The following WDR37 variants were observed in gnomAD, a reference collection of about 807,000 sequenced individuals.
WDR37 encodes the protein WD repeat-containing protein 37.
A neutral mutation model predicts 62.9 loss-of-function variants in WDR37; 19 were observed. The ratio of observed to expected loss-of-function variants is 0.30; its 90% CI spans 0.21 to 0.44. The LOEUF (loss-of-function observed/expected upper bound fraction) is 0.44, where lower values mean the gene tolerates loss of function less well. WDR37 is among the 20% of genes least tolerant of loss of function. WDR37 has a pLI of 1.00. For synonymous variants in WDR37, 250 were observed against 260.9 expected (o/e 0.96, Z 0.40); for missense variants, 474 against 657.6 (o/e 0.72, Z 3.05).
At position 1,062,018 on chromosome 10, in the gene WDR37, G is replaced by T. The variant is rs547466783; in HGVS notation, c.-41+5050G>T. Among the ~76,000 whole-genome samples, 1,252 of 147,200 alleles carry T rather than the reference G, an allele frequency of 8.5e-3. 10 individuals are homozygous for T. The highest frequency in any genetic ancestry group is 0.021 in the African/African-American group (830 of 40,032). ...TCTGGTCTTGAGCTTTTTTTTTTTTGGGGGGGCCAAGGACTGAGTTTCCAT... is the reference window on the plus strand; with the variant it reads ...TCTGGTCTTGAGCTTTTTTTTTTTTTGGGGGGCCAAGGACTGAGTTTCCAT... On this transcript the variant is annotated intron_variant, in intron 1 of 13. Coordinates refer to ENST00000263150, the MANE Select transcript of WDR37 (RefSeq NM_014023.4).
chr10:1,100,339 GC>G (rs1190310429), intron 9 of WDR37, among the ~76,000 whole-genome samples: 1 of 152,192 alleles, frequency 6.6e-6, no homozygotes, highest in Non-Finnish European at 1.5e-5. Context: ...AGGCAGTGCA[GC>G]CTGTGGACGG....
intron 11 of WDR37, among the ~76,000 whole-genome samples, chr10:1,122,630 G>A (rs1835623136): frequency 6.6e-6 from 1 of 152,280 alleles, no homozygotes; most frequent in African/African-American, 2.4e-5. Flanking sequence ...CACGGGGAAA[G>A]TAAGGTTTTT....
Position 1,105,171 on chromosome 10 carries a change from G to A in WDR37, c.1007G>A (p.Arg336Gln). Residue 336 changes from arginine (R) to glutamine (Q), a missense_variant, in exon 11 of 14, where the codon CGG (arginine) becomes CAG (glutamine). Physicochemically the swap from Arg to Gln is conservative, Grantham distance 43. Coordinates refer to ENST00000263150, the MANE Select transcript of WDR37 (RefSeq NM_014023.4). The surrounding 1 kb of genome is among the most constrained non-coding windows in gnomAD (Gnocchi z 5.3). Reference sequence around the variant, plus strand: ...CACTGCTGCACACACCCCACCCAGCGGCTCGTGGTGACCTCCTCCCGTGAC... The same window carrying A: ...CACTGCTGCACACACCCCACCCAGCAGCTCGTGGTGACCTCCTCCCGTGAC... The part of the protein sequence containing the change: ...LTHCCTHPTQ[R>Q]LVVTSSRDTT... 1.2e-6 allele frequency: 2 copies of A among 1,614,118 alleles called. No homozygotes were observed. The highest frequency in any genetic ancestry group is 8.5e-7 in the Non-Finnish European group (1 of 1,180,032).
chr10:1,110,644 G>C (rs982981389), intron 11 of WDR37, among the ~76,000 whole-genome samples: 1 of 152,256 alleles, frequency 6.6e-6, no homozygotes, highest in African/African-American at 2.4e-5. Flanking sequence ...CAGGTTGTGT[G>C]TGTGTGTTCC....
intron 13 of WDR37, among the ~76,000 whole-genome samples, chr10:1,127,088 G>A (rs537938664): frequency 1.8e-4 from 28 of 152,256 alleles, no homozygotes; most frequent in Middle Eastern, 3.4e-3. Flanking sequence ...GTGCCCATGC[G>A]GATTTTAAAA....
At position 1,072,170 on chromosome 10, in the gene WDR37, C is replaced by T. The variant is rs751039874; in HGVS notation, c.15C>T (p.Ser5=). The part of the protein sequence containing the change: MPTE[S]ASCSTARQTK... ...TCCTAGAAGTAATGCCCACAGAAAG[C>T]GCAAGTTGTTCGACTGCTCGCCAAA... is the stretch of plus-strand genomic sequence containing the variant. Residue 5 remains serine (S), a synonymous_variant, in exon 2 of 14, where the codon AGC becomes AGT. Transcript: ENST00000263150. The T allele has an allele frequency of 1.8e-5, 29 of 1,614,092 alleles. No individual in the cohort carries two copies. Among genetic ancestry groups the T allele is most frequent in the South Asian group, 2.2e-5 (2 of 91,072 alleles).
Position 1,096,276 on chromosome 10 carries a change from T to C in WDR37, c.726+30T>C, listed in dbSNP as rs745895867. ...GCACCTTTCCTTACCTGTGAATGTG[T>C]AGGATGCTGATGTCTGCGAATCTGA... On this transcript the variant is annotated intron_variant, in intron 9 of 13. Coordinates refer to ENST00000263150, the MANE Select transcript of WDR37 (RefSeq NM_014023.4). The C allele has an allele frequency of 2.9e-5, 46 of 1,605,318 alleles. No individual in the cohort carries two copies. The South Asian group carries it at 4.8e-4, about 17-fold the overall frequency.
chr10:1,074,388 C>T, intron 2 of WDR37: 3 of 1,294,764 alleles, frequency 2.3e-6, no homozygotes, highest in African/African-American at 1.5e-5. Flanking sequence ...TCAGAGGTCT[C>T]CAAGCCGCAC....
chr10:1,120,665 C>T (rs528966616), intron 11 of WDR37, among the ~76,000 whole-genome samples: 128 of 152,288 alleles, frequency 8.4e-4, no homozygotes, highest in African/African-American at 3.0e-3. Context: ...CAGGCGTGCT[C>T]CTCAGATGTG....
rs918961505 is a variant in WDR37 at position 1,129,690 on chromosome 10, T to G, written c.*346T>G. The G allele has an allele frequency of 5.4e-6, 1 of 183,532 alleles. No individual in the cohort carries two copies. Among genetic ancestry groups the G allele is most frequent in the African/African-American group, 2.4e-5 (1 of 42,428 alleles). The allele number at this position is 183,532 out of a possible 1,614,324, so 11.4% of individuals were successfully genotyped here. A position where few individuals can be genotyped will look rare whatever the true frequency, so the allele number is the denominator to read the frequency against. On this transcript the variant is annotated 3_prime_UTR_variant, in exon 14 of 14. Transcript: ENST00000263150. ...ATTAAATGTGAACTTCTGTATTACG[T>G]TGCGGCGTCGGCAGTCCTGCGTTCC...
In WDR37 at chr10:1,129,464, TATGTTCTTTTCAC is replaced by T. The variant is rs1835910268; in HGVS notation, c.*123_*135del. ...TTGACCCTGGAAAGGGTGCTTTGTA[TATGTTCTTTTCAC>T]ATAGTGCCCAGCTTGCATGAAATGT... On this transcript the variant is annotated 3_prime_UTR_variant, in exon 14 of 14. Coordinates refer to ENST00000263150, the MANE Select transcript of WDR37 (RefSeq NM_014023.4). 2.1e-6 allele frequency: 3 copies of T among 1,421,018 alleles called. No homozygotes were observed. The highest frequency in any genetic ancestry group is 2.2e-4 in the Middle Eastern group (1 of 4,490). The allele number at this position is 1,421,018 out of a possible 1,614,324, so 88.0% of individuals were successfully genotyped here.
intron 9 of WDR37, among the ~76,000 whole-genome samples, chr10:1,097,841 C>T (rs1322220468): frequency 6.6e-6 from 1 of 152,296 alleles, no homozygotes; most frequent in South Asian, 2.1e-4. Flanking sequence ...GCCTGCCCTA[C>T]TGTTGTATTT....
chr10:1,059,629 T>G (rs894594384), intron 1 of WDR37, among the ~76,000 whole-genome samples: 1 of 151,642 alleles, frequency 6.6e-6, no homozygotes, highest in African/African-American at 2.4e-5. Flanking sequence ...AAACCCCGTA[T>G]CTACTGAAAA....
intron 5 of WDR37, 82 bp from the exon 6 acceptor site, chr10:1,084,321 C>T (rs1399395894): frequency 5.3e-6 from 8 of 1,522,788 alleles, no homozygotes; most frequent in Admixed American, 1.8e-5. Flanking sequence ...TTTTCCAAGA[C>T]GTCTTTTTCG....
intron 11 of WDR37, among the ~76,000 whole-genome samples, chr10:1,120,463 C>T (rs1255924746): frequency 1.3e-5 from 2 of 152,180 alleles, no homozygotes; most frequent in Admixed American, 1.3e-4. Context: ...CTGTTGGCGA[C>T]GCAGGTGTTG....
At chr10:1,090,618 C>G (rs1397841755) in intron 7 of WDR37, among the ~76,000 whole-genome samples, 2 of 113,918 alleles carry the variant, frequency 1.8e-5, no homozygotes, top group Non-Finnish European at 2.1e-5. Context: ...ACAGCAGACT[C>G]CCCGCTCTGG....
chr10:1,078,549 T>G (rs1469999950), intron 3 of WDR37, among the ~76,000 whole-genome samples: 2 of 152,266 alleles, frequency 1.3e-5, no homozygotes, highest in Non-Finnish European at 2.9e-5. Context: ...TGGTGGTTAG[T>G]CCTGTGAATG....
intron 1 of WDR37, among the ~76,000 whole-genome samples, 173 bp downstream of exon 1, chr10:1,057,141 CG>C (rs1430654479): frequency 6.6e-6 from 1 of 151,868 alleles, no homozygotes; most frequent in Admixed American, 6.6e-5. Flanking sequence ...CAGGAGGGGT[CG>C]GGTCCCTGGA....
chr10:1,103,647 G>A lies in WDR37; in HGVS notation c.772G>A (p.Asp258Asn), dbSNP rs759369443. 2 of 1,614,210 alleles carry A rather than the reference G, an allele frequency of 1.2e-6. No individual in the cohort carries two copies. Among genetic ancestry groups the A allele is most frequent in the Non-Finnish European group, 1.7e-6 (2 of 1,180,038 alleles). ...EVECSDKDEP[D>N]LDGDVSSDCP... ...AGAGTGCTCTGACAAGGACGAGCCC[G>A]ACCTCGATGGGGATGTGTCCAGCGA... The change falls in exon 10 of 14, where the codon GAC (aspartate) becomes AAC (asparagine). Residue 258 changes from aspartate to asparagine, a missense_variant. By Grantham distance (23) the Asp-to-Asn change is conservative. Transcript: ENST00000263150. This position sits in a 1 kb window ranked among gnomAD's most constrained non-coding sequence, Gnocchi z 6.3.
Sources: gnomAD v4.1 joint callset for allele counts (sites outside exome capture counted in the v4.1 genomes callset) on GRCh38, gnomAD v4.1.1 for gene constraint, Gnocchi (gnomAD v3.1) non-coding constraint, MANE v1.5 for transcripts, NCBI Gene and HGNC (gene_info 2026-07-23, HGNC 2026-07-21) for gene names.